PCDHGA4: variants seen among roughly 807,000 people sequenced by gnomAD.
PCDHGA4 encodes protocadherin gamma-A4.
In PCDHGA4, 38 loss-of-function variants were observed where a neutral mutation model predicts 54.6. The ratio of observed to expected loss-of-function variants is 0.70; its 90% CI spans 0.54 to 0.91. The LOEUF (loss-of-function observed/expected upper bound fraction) is 0.91, where lower values mean the gene tolerates loss of function less well. Among genes scored for constraint, PCDHGA4 ranks in the 40% least tolerant of loss-of-function variants. The probability of loss-of-function intolerance (pLI) is 0.00; values close to 1 mark genes in which losing one functional copy is unlikely to be tolerated. For missense variants in PCDHGA4, 1,298 were observed against 1,220.9 expected (o/e 1.06, Z -0.94); for synonymous variants, 511 against 512.9 (o/e 1.00, Z 0.05).
At chr5:141,495,841 G>A (rs1187067340) in intron 2 of PCDHGA4, among the ~76,000 whole-genome samples, 1 of 151,864 alleles carries the variant, frequency 6.6e-6, no homozygotes, top group Non-Finnish European at 1.5e-5. Context: ...CAGCCTCTAT[G>A]TTTCTCTGTC....
intron 1 of PCDHGA4, among the ~76,000 whole-genome samples, chr5:141,473,990 G>A (rs988540565): frequency 2.0e-5 from 3 of 152,130 alleles, no homozygotes; most frequent in African/African-American, 7.2e-5. Flanking sequence ...GATCCCTTGA[G>A]CCCAAGGAGC....
At chr5:141,495,652 T>C (rs1403816239) in intron 2 of PCDHGA4, among the ~76,000 whole-genome samples, 2 of 152,336 alleles carry the variant, frequency 1.3e-5, no homozygotes, top group Admixed American at 6.5e-5. Context: ...CTACTTGCAT[T>C]GATCTGTGCC....
chr5:141,505,634 A>T, intron 3 of PCDHGA4, 153 bp downstream of exon 3: 6 of 971,426 alleles, frequency 6.2e-6, no homozygotes, highest in Non-Finnish European at 7.3e-6. Context: ...CCAAACATAA[A>T]GCCTGGAATT....
rs367744321 is a variant in PCDHGA4, at chr5:141,489,394, C to G, written c.2515-5413C>G. The G allele has an allele frequency of 3.7e-6, 6 of 1,614,008 alleles. No individual in the cohort carries two copies. In the African/African-American group the frequency reaches 6.7e-5, roughly 18 times the overall value. On this transcript the variant is annotated intron_variant, in intron 1 of 3. Transcript: ENST00000571252. The surrounding 1 kb of genome is among the most constrained non-coding windows in gnomAD (Gnocchi z 4.5). ...GCTGGTGGGGAATGTTGCTCAGGATCTGGGCTTAAAGATGACAGATCTGTT... is the reference window on the plus strand; with the variant it reads ...GCTGGTGGGGAATGTTGCTCAGGATGTGGGCTTAAAGATGACAGATCTGTT...
chr5:141,361,243 A>G, intron 1 of PCDHGA4: 2 of 1,614,012 alleles, frequency 1.2e-6, no homozygotes, highest in Non-Finnish European at 1.7e-6. Context: ...CGCCTTGATA[A>G]AAACGAGAGA....
intron 1 of PCDHGA4, chr5:141,375,652 G>A (rs1200856953): frequency 1.8e-5 from 29 of 1,614,096 alleles, no homozygotes; most frequent in Non-Finnish European, 2.3e-5. Context: ...TCGACTATGA[G>A]CAGTTGAGAG....
In PCDHGA4 at chr5:141,476,762, G is replaced by A. The variant is rs1338892879; in HGVS notation, c.2515-18045G>A. The A allele has an allele frequency of 6.2e-7, 1 of 1,613,848 alleles. No individual in the cohort carries two copies. ...GCCTAGTCTCCAGTTAGTGCTGACG[G>A]CGTTGGACGGAGGGACCCCAGCTCT... On this transcript the variant is annotated intron_variant, in intron 1 of 3. Coordinates refer to ENST00000571252, the MANE Select transcript of PCDHGA4 (RefSeq NM_018917.4). The surrounding 1 kb of genome is among the most constrained non-coding windows in gnomAD (Gnocchi z 7.6).
rs748349148 is a variant in PCDHGA4 at position 141,356,186 on chromosome 5, C to A, written c.1079C>A (p.Ala360Asp). ...GCCCATGATGGGCCTGGTCTCCGAG[C>A]TAGAAGCAAGGTACTGGTGACAGTT... is the stretch of plus-strand genomic sequence containing the variant. ...VEAHDGPGLR[A>D]RSKVLVTVLD... The change falls in exon 1 of 4, where the codon GCT (alanine) becomes GAT (aspartate). Residue 360 changes from alanine to aspartate, a missense_variant. Physicochemically the swap from Ala to Asp is moderately radical, Grantham distance 126. Coordinates refer to ENST00000571252, the MANE Select transcript of PCDHGA4 (RefSeq NM_018917.4). 4 of 1,611,094 alleles carry A rather than the reference C, an allele frequency of 2.5e-6. No individual in the cohort carries two copies. The Admixed American group carries it at 6.7e-5, about 27-fold the overall frequency.
intron 1 of PCDHGA4, chr5:141,382,842 A>C: frequency 2.0e-6 from 3 of 1,464,302 alleles, no homozygotes; most frequent in Non-Finnish European, 2.8e-6. Context: ...ACCCGGATAC[A>C]CCCGCATTCT....
At chr5:141,415,937 C>T (rs939831077) in intron 1 of PCDHGA4, 8 of 587,822 alleles carry the variant, frequency 1.4e-5, no homozygotes, top group Non-Finnish European at 2.0e-5. Context: ...TATATTTCCT[C>T]CTGGGTGGTC....
chr5:141,485,619 G>A lies in PCDHGA4; in HGVS notation c.2515-9188G>A. On this transcript the variant is annotated intron_variant, in intron 1 of 3. Coordinates refer to ENST00000571252, the MANE Select transcript of PCDHGA4 (RefSeq NM_018917.4). This position sits in a 1 kb window ranked among gnomAD's most constrained non-coding sequence, Gnocchi z 5.7. ...GAAATTGGGGAGGCAGCTCCTCCAG[G>A]ACAGCGTTTCCCGTTGGAAAAGGCT... 3 of 1,612,234 alleles carry A rather than the reference G, an allele frequency of 1.9e-6. No homozygotes were observed. The highest frequency in any genetic ancestry group is 2.5e-6 in the Non-Finnish European group (3 of 1,178,678).
At chr5:141,393,459 G>C (rs988813968) in intron 1 of PCDHGA4, 1 of 1,613,928 alleles carries the variant, frequency 6.2e-7, no homozygotes, top group Non-Finnish European at 8.5e-7. Flanking sequence ...CACGGCCTCG[G>C]ATGGCGGCAA....
chr5:141,403,487 T>C, intron 1 of PCDHGA4: 1 of 1,613,930 alleles, frequency 6.2e-7, no homozygotes. Flanking sequence ...TCACCACTTC[T>C]CCCTGAACGT....
chr5:141,390,105 T>C (rs2092048923), intron 1 of PCDHGA4: 4 of 1,614,052 alleles, frequency 2.5e-6, no homozygotes, highest in African/African-American at 1.3e-5. Flanking sequence ...TCCCCCCAAC[T>C]ACAGCGAGGG....
At position 141,491,891 on chromosome 5, in the gene PCDHGA4, G is replaced by T. The variant is rs1487484740; in HGVS notation, c.2515-2916G>T. On this transcript the variant is annotated intron_variant, in intron 1 of 3. Coordinates refer to ENST00000571252, the MANE Select transcript of PCDHGA4 (RefSeq NM_018917.4). This position sits in a 1 kb window ranked among gnomAD's most constrained non-coding sequence, Gnocchi z 6.9. ...GTGGCCGATTAAGGGATGGGGCTCC[G>T]AGCACCGGGGGTGGTGGCGACTGTG... 19 of 1,439,438 alleles carry T rather than the reference G, an allele frequency of 1.3e-5. No homozygotes were observed. The East Asian group carries it at 4.8e-4, about 36-fold the overall frequency. 89.2% of individuals were successfully genotyped at this position (1,439,438 alleles called of 1,614,324 possible). A position where few individuals can be genotyped will look rare whatever the true frequency, so the allele number is the denominator to read the frequency against.
intron 1 of PCDHGA4, chr5:141,367,915 AAG>A (rs963477833): frequency 6.6e-6 from 1 of 152,232 alleles, no homozygotes; most frequent in Non-Finnish European, 1.5e-5. Flanking sequence ...TTGAAAAAAA[AAG>A]AACTCAACTT....
At chr5:141,371,583 G>T (rs1767867513) in intron 1 of PCDHGA4, 3 of 1,613,828 alleles carry the variant, frequency 1.9e-6, no homozygotes, top group Non-Finnish European at 2.5e-6. Context: ...AATCGTTCAA[G>T]ATACCAAAAA....
Position 141,490,611 on chromosome 5 carries a change from G to GCTTTA in PCDHGA4, c.2515-4194_2515-4190dup. On this transcript the variant is annotated intron_variant, in intron 1 of 3. Coordinates refer to ENST00000571252, the MANE Select transcript of PCDHGA4 (RefSeq NM_018917.4). The surrounding 1 kb of genome is among the most constrained non-coding windows in gnomAD (Gnocchi z 5.4). The stretch of plus-strand genomic sequence containing the variant: ...ACAATGCACCCCGCTTCAACCAGCA[G>GCTTTA]CTTTACACTGCTTACATCCTAGAAA... 6.2e-7 allele frequency: 1 copy of GCTTTA among 1,614,170 alleles called. No individual in the cohort carries two copies. Among genetic ancestry groups the GCTTTA allele is most frequent in the Non-Finnish European group, 8.5e-7 (1 of 1,180,036 alleles).
chr5:141,489,467 C>G lies in PCDHGA4; in HGVS notation c.2515-5340C>G. 1 of 1,614,076 alleles carries G rather than the reference C, an allele frequency of 6.2e-7. No individual in the cohort carries two copies. The highest frequency in any genetic ancestry group is 8.5e-7 in the Non-Finnish European group (1 of 1,180,026). Reference sequence around the variant, plus strand: ...TCTGAGGAGAATGGGCGCTATTTTTCCCTGAGCTTGATGAGTGGTGCCCTG... The same window carrying G: ...TCTGAGGAGAATGGGCGCTATTTTTGCCTGAGCTTGATGAGTGGTGCCCTG... On this transcript the variant is annotated intron_variant, in intron 1 of 3. Transcript: ENST00000571252. The surrounding 1 kb of genome is among the most constrained non-coding windows in gnomAD (Gnocchi z 4.5).
Sources: allele counts gnomAD v4.1 joint callset (sites outside exome capture counted in the v4.1 genomes callset), GRCh38; gene constraint gnomAD v4.1.1; non-coding constraint Gnocchi (gnomAD v3.1); transcripts MANE v1.5; gene names NCBI Gene and HGNC (gene_info 2026-07-23, HGNC 2026-07-21).